The following HS6ST3 variants were observed in gnomAD, a reference collection of about 807,000 sequenced individuals.
HS6ST3 encodes the protein heparan sulfate 6-O-sulfotransferase 3, also known as heparan-sulfate 6-O-sulfotransferase 3.
Under a neutral mutation model 36.7 loss-of-function variants are expected in HS6ST3, and 12 were observed. That is an observed-to-expected ratio of 0.33 (90% confidence interval 0.21 to 0.53). The LOEUF (loss-of-function observed/expected upper bound fraction) is 0.53, where lower values mean the gene tolerates loss of function less well. HS6ST3 is among the 20% of genes least tolerant of loss of function. The pLI, the probability that HS6ST3 is intolerant of heterozygous loss-of-function variation, is 0.95. For missense variants in HS6ST3, 584 were observed against 640.9 expected, an observed-to-expected ratio of 0.91 and a Z score of 0.96; for synonymous variants, 240 against 257.5, an observed-to-expected ratio of 0.93 and a Z score of 0.65.
intron 1 of HS6ST3, among the ~76,000 whole-genome samples, chr13:96,371,413 A>G (rs2055289467): frequency 6.6e-6 from 1 of 152,176 alleles, no homozygotes. Context: ...TGATTACCAC[A>G]ATCAAGCTAA....
chr13:96,738,261 C>T lies in HS6ST3; in HGVS notation c.708-94229C>T, dbSNP rs191440899. Among the ~76,000 whole-genome samples, 110 of 152,298 alleles carry T rather than the reference C, an allele frequency of 7.2e-4. No homozygotes were observed. In the East Asian group the frequency reaches 8.7e-3, roughly 12 times the overall value. Reference sequence around the variant, plus strand: ...CTTTCTGCATGGCCATTTGGATTGTCCATAAGATAACAATTGCACTTTTGG... The same window carrying T: ...CTTTCTGCATGGCCATTTGGATTGTTCATAAGATAACAATTGCACTTTTGG... On this transcript the variant is annotated intron_variant, in intron 1 of 1. Coordinates refer to ENST00000376705, the MANE Select transcript of HS6ST3 (RefSeq NM_153456.4).
At chr13:96,729,358 C>T (rs1371030317) in intron 1 of HS6ST3, among the ~76,000 whole-genome samples, 1 of 152,156 alleles carries the variant, frequency 6.6e-6, no homozygotes, top group Non-Finnish European at 1.5e-5. Flanking sequence ...AGAGAGAAAG[C>T]ATGGGCCATC....
intron 1 of HS6ST3, among the ~76,000 whole-genome samples, chr13:96,147,483 A>C (rs1216877699): frequency 6.6e-6 from 1 of 152,254 alleles, no homozygotes; most frequent in East Asian, 1.9e-4. Flanking sequence ...GTTGAGAAAA[A>C]ATAAATTGAT....
In HS6ST3 at chr13:96,831,541, C is replaced by G. The variant is rs568372524; in HGVS notation, c.708-949C>G. 2.2e-3 allele frequency among the ~76,000 whole-genome samples: 336 copies of G among 152,252 alleles called. 5 individuals are homozygous for G. Among genetic ancestry groups the G allele is most frequent in the Non-Finnish European group, 1.2e-3 (85 of 68,014 alleles). Reference sequence around the variant, plus strand: ...CTTGAGGATCATCTGTGCAAAGCATCCATAAAGCATGTAGCACAGTTCCTA... The same window carrying G: ...CTTGAGGATCATCTGTGCAAAGCATGCATAAAGCATGTAGCACAGTTCCTA... On this transcript the variant is annotated intron_variant, in intron 1 of 1. Coordinates refer to ENST00000376705, the MANE Select transcript of HS6ST3 (RefSeq NM_153456.4).
intron 1 of HS6ST3, among the ~76,000 whole-genome samples, chr13:96,246,018 G>A (rs768751103): frequency 6.6e-6 from 1 of 152,010 alleles, no homozygotes; most frequent in East Asian, 1.9e-4. Context: ...AAAAAGATTA[G>A]GGTTAGTCAG....
In HS6ST3 at chr13:96,195,929, G is replaced by A. The variant is rs978694666; in HGVS notation, c.707+104360G>A. ...CTGGCATGTAGTAAAATATGCGCTCGATAAATGTTAGTTTAAAACATTTTT... is the reference window on the plus strand; with the variant it reads ...CTGGCATGTAGTAAAATATGCGCTCAATAAATGTTAGTTTAAAACATTTTT... On this transcript the variant is annotated intron_variant, in intron 1 of 1. Transcript: ENST00000376705. Among the ~76,000 whole-genome samples the A allele has an allele frequency of 9.2e-5, 14 of 152,214 alleles. No homozygotes were observed. In the East Asian group the frequency reaches 9.7e-4, roughly 11 times the overall value.
At chr13:96,567,783 A>G (rs2056286938) in intron 1 of HS6ST3, among the ~76,000 whole-genome samples, 1 of 152,232 alleles carries the variant, frequency 6.6e-6, no homozygotes, top group Non-Finnish European at 1.5e-5. Context: ...GAAATAGAAA[A>G]TATACCAACA....
chr13:96,749,199 T>A (rs1876635499), intron 1 of HS6ST3, among the ~76,000 whole-genome samples: 1 of 152,200 alleles, frequency 6.6e-6, no homozygotes, highest in Non-Finnish European at 1.5e-5. Context: ...CTACATTTTT[T>A]TTTATTTTGC....
intron 1 of HS6ST3, among the ~76,000 whole-genome samples, chr13:96,546,467 T>C (rs536924967): frequency 6.6e-6 from 1 of 152,276 alleles, no homozygotes; most frequent in African/African-American, 2.4e-5. Flanking sequence ...AATGCATAAA[T>C]ATGTATGGAG....
intron 1 of HS6ST3, among the ~76,000 whole-genome samples, chr13:96,301,630 G>A (rs1015057047): frequency 6.6e-6 from 1 of 152,014 alleles, no homozygotes; most frequent in Non-Finnish European, 1.5e-5. Context: ...GGGGGCTCAC[G>A]CCTGTAATCC....
At chr13:96,425,795 A>AT (rs971412457) in intron 1 of HS6ST3, among the ~76,000 whole-genome samples, 4 of 152,034 alleles carry the variant, frequency 2.6e-5, no homozygotes, top group African/African-American at 7.3e-5. Context: ...TACCAGAATG[A>AT]TTTTTTGGGG....
chr13:96,259,131 A>AGT (rs368627911), intron 1 of HS6ST3, among the ~76,000 whole-genome samples: 50 of 151,684 alleles, frequency 3.3e-4, no homozygotes, highest in African/African-American at 8.0e-4. Context: ...TCTGGAAAGC[A>AGT]GTGTGTGTGT....
intron 1 of HS6ST3, among the ~76,000 whole-genome samples, chr13:96,205,554 T>G (rs1269838271): frequency 6.6e-6 from 1 of 152,146 alleles, no homozygotes; most frequent in Non-Finnish European, 1.5e-5. Flanking sequence ...ATATCCTTGA[T>G]GAGCATCGAT....
chr13:96,123,769 G>T (rs1324675977), intron 1 of HS6ST3, among the ~76,000 whole-genome samples: 1 of 152,100 alleles, frequency 6.6e-6, no homozygotes, highest in African/African-American at 2.4e-5. Flanking sequence ...TGTGAAAAGG[G>T]TAAACCTTTT....
At chr13:96,230,252 G>A (rs2054501731) in intron 1 of HS6ST3, among the ~76,000 whole-genome samples, 1 of 152,030 alleles carries the variant, frequency 6.6e-6, no homozygotes, top group East Asian at 1.9e-4. Context: ...GATATGGCAG[G>A]GAAACAAGAG....
chr13:96,374,454 C>T (rs1275319511), intron 1 of HS6ST3, among the ~76,000 whole-genome samples: 2 of 152,098 alleles, frequency 1.3e-5, no homozygotes, highest in African/African-American at 4.8e-5. Flanking sequence ...TCAGATTTCT[C>T]CTTCATGTAG....
Position 96,761,867 on chromosome 13 carries a change from A to T in HS6ST3, c.708-70623A>T, listed in dbSNP as rs191833871. On this transcript the variant is annotated intron_variant, in intron 1 of 1. Coordinates refer to ENST00000376705, the MANE Select transcript of HS6ST3 (RefSeq NM_153456.4). ...TTTTATTCTGACCTTGAGAGGAAAAAGATGTACAGTGTTTGCACAGTGCTC... is the reference window on the plus strand; with the variant it reads ...TTTTATTCTGACCTTGAGAGGAAAATGATGTACAGTGTTTGCACAGTGCTC... Among the ~76,000 whole-genome samples the T allele has an allele frequency of 2.8e-3, 422 of 152,246 alleles. 1 individual carries two copies. Among genetic ancestry groups the T allele is most frequent in the African/African-American group, 9.7e-3 (404 of 41,526 alleles).
chr13:96,288,573 T>G (rs1168655934), intron 1 of HS6ST3, among the ~76,000 whole-genome samples: 1 of 152,054 alleles, frequency 6.6e-6, no homozygotes, highest in Non-Finnish European at 1.5e-5. Flanking sequence ...CTTGAAAAAG[T>G]GATAAATTTA....
At chr13:96,802,695 C>T (rs776520429) in intron 1 of HS6ST3, among the ~76,000 whole-genome samples, 1 of 152,134 alleles carries the variant, frequency 6.6e-6, no homozygotes, top group East Asian at 1.9e-4. Context: ...ACAAGTTGCC[C>T]AAGCTATATA....
Sources: gnomAD v4.1 joint callset for allele counts (sites outside exome capture counted in the v4.1 genomes callset) on GRCh38, gnomAD v4.1.1 for gene constraint, MANE v1.5 for transcripts, NCBI Gene and HGNC (gene_info 2026-07-23, HGNC 2026-07-21) for gene names.